Variants in RPS6KA6 observed in about 807,000 individuals in gnomAD.
RPS6KA6 encodes ribosomal protein S6 kinase A6, also known as ribosomal protein S6 kinase alpha-6.
In RPS6KA6, 27 loss-of-function variants were observed where a neutral mutation model predicts 65.4. The observed-to-expected ratio is 0.41, with a 90% CI of 0.30 to 0.57. The LOEUF is 0.57. Among genes scored for constraint, RPS6KA6 ranks in the 20% least tolerant of loss-of-function variants. The pLI, the probability that RPS6KA6 is intolerant of heterozygous loss-of-function variation, is 0.24. For missense variants in RPS6KA6, 486 were observed against 555.6 expected, an observed-to-expected ratio of 0.87 and a Z score of 1.26; for synonymous variants, 190 against 184.2, an observed-to-expected ratio of 1.03 and a Z score of -0.26.
At position 84,148,054 on chromosome X, in the gene RPS6KA6, CTTTT is replaced by C; in HGVS notation, c.324_327del (p.Lys109ProfsTer3). On this transcript the variant is annotated frameshift_variant, in exon 4 of 22. Transcript: ENST00000262752. LOFTEE classifies it high-confidence loss of function. ...TCTAATTTTCTACCTTTTAAAGAGG[CTTTT>C]TTTAACACCTTCATTGCATAGAGCT... The C allele has an allele frequency of 2.6e-6, 3 of 1,155,057 alleles. No homozygotes were observed. The highest frequency in any genetic ancestry group is 3.5e-6 in the Non-Finnish European group (3 of 859,952).
At chrX:84,106,851 C>G in intron 14 of RPS6KA6, 59 bp downstream of exon 14, 3 of 908,127 alleles carry the variant, frequency 3.3e-6, no homozygotes, top group South Asian at 2.9e-5. Context: ...AAAAATACAT[C>G]AGCAATAACA....
intron 20 of RPS6KA6, among the ~76,000 whole-genome samples, chrX:84,083,061 A>G (rs1296613521): frequency 8.9e-6 from 1 of 112,222 alleles, no homozygotes; most frequent in East Asian, 2.8e-4. Context: ...ACAAAAACAC[A>G]AAAAGCAATG....
At chrX:84,105,173 A>AAC (rs201065109) in intron 16 of RPS6KA6, among the ~76,000 whole-genome samples, 6,606 of 108,696 alleles carry the variant, frequency 0.061, 228 homozygotes, top group East Asian at 0.2. Flanking sequence ...ATGTATGATA[A>AAC]ACACACACAC....
intron 13 of RPS6KA6, 37 bp downstream of exon 13, chrX:84,107,586 A>T (rs2034385441): frequency 1.1e-6 from 1 of 877,700 alleles, no homozygotes; most frequent in African/African-American, 2.0e-5. Context: ...TATCTACTTA[A>T]ATAAAATCTC....
At chrX:84,064,734 C>T (rs1421066890) in intron 21 of RPS6KA6, among the ~76,000 whole-genome samples, 4 of 111,677 alleles carry the variant, frequency 3.6e-5, no homozygotes, top group Non-Finnish European at 7.5e-5. Flanking sequence ...TAGCCCAATC[C>T]TAATTCCAGC....
chrX:84,090,003 C>T (rs2034010955), intron 20 of RPS6KA6, among the ~76,000 whole-genome samples: 1 of 112,053 alleles, frequency 8.9e-6, no homozygotes, highest in African/African-American at 3.2e-5. Context: ...AATATAGGAG[C>T]ATAGCAATTT....
intron 12 of RPS6KA6, among the ~76,000 whole-genome samples, chrX:84,112,104 A>C (rs1244406632): frequency 8.9e-6 from 1 of 112,195 alleles, no homozygotes; most frequent in Non-Finnish European, 1.9e-5. Flanking sequence ...TTATATAATG[A>C]TAAGGGCTCA....
At chrX:84,140,844 A>G (rs1345074353) in intron 6 of RPS6KA6, among the ~76,000 whole-genome samples, 3 of 108,988 alleles carry the variant, frequency 2.8e-5, no homozygotes, top group African/African-American at 1.0e-4. Context: ...AGATTAAAAG[A>G]AAGAACCCAC....
In RPS6KA6 at chrX:84,058,366, C is replaced by T. The variant is rs890970115; in HGVS notation, c.*5911G>A. 2 of 111,962 alleles carry T rather than the reference C, an allele frequency of 1.8e-5. No individual in the cohort carries two copies. The highest frequency in any genetic ancestry group is 6.5e-5 in the African/African-American group (2 of 30,808). The allele number at this position is 111,962 out of a possible 1,213,427, so 9.2% of individuals were successfully genotyped here. On this transcript the variant is annotated 3_prime_UTR_variant, in exon 22 of 22. Transcript: ENST00000262752. ...CGGTAAAAATGTTAGAAAGTTGCAGCCTTTTTATTTGGTACCCAGAGAATG... is the reference window on the plus strand; with the variant it reads ...CGGTAAAAATGTTAGAAAGTTGCAGTCTTTTTATTTGGTACCCAGAGAATG...
Position 84,187,960 on chromosome X carries a change from T to A in RPS6KA6, c.-61A>T. The A allele has an allele frequency of 1.0e-6, 1 of 960,821 alleles. No individual in the cohort carries two copies. Among genetic ancestry groups the A allele is most frequent in the Non-Finnish European group, 1.4e-6 (1 of 707,771 alleles). 79.2% of individuals were successfully genotyped at this position (960,821 alleles called of 1,213,427 possible). A position where few individuals can be genotyped will look rare whatever the true frequency, so the allele number is the denominator to read the frequency against. ...CTACCGCTGGCGCGGCCGCGCATCC[T>A]GTCTATTGAACTGGCCCGCCGCCGC... On this transcript the variant is annotated 5_prime_UTR_variant, in exon 1 of 22. Coordinates refer to ENST00000262752, the MANE Select transcript of RPS6KA6 (RefSeq NM_014496.5).
chrX:84,083,369 C>T (rs2033845420), intron 20 of RPS6KA6, among the ~76,000 whole-genome samples: 1 of 112,589 alleles, frequency 8.9e-6, no homozygotes, highest in Admixed American at 9.4e-5. Flanking sequence ...GCTATTTATC[C>T]TGAGGCTCTG....
At chrX:84,187,679 G>C in intron 1 of RPS6KA6, 140 bp downstream of exon 1, 5 of 513,800 alleles carry the variant, frequency 9.7e-6, no homozygotes, top group Admixed American at 4.1e-5. Flanking sequence ...CCAGCGAAAG[G>C]GCAGTGGAGG....
chrX:84,159,445 T>A (rs2035475639), intron 2 of RPS6KA6, among the ~76,000 whole-genome samples: 1 of 110,947 alleles, frequency 9.0e-6, no homozygotes, highest in Admixed American at 9.6e-5. Flanking sequence ...GAGTAAATCA[T>A]CCTTAAAAAA....
intron 8 of RPS6KA6, among the ~76,000 whole-genome samples, chrX:84,122,361 G>GTTTTT (rs35459607): frequency 1.6e-4 from 7 of 43,010 alleles, no homozygotes; most frequent in African/African-American, 2.6e-4. Context: ...TTTTTTTTAA[G>GTTTTT]TTTTTTTTTT....
chrX:84,071,612 GAAAT>G (rs749411921), intron 20 of RPS6KA6, among the ~76,000 whole-genome samples: 6 of 110,127 alleles, frequency 5.4e-5, no homozygotes, highest in African/African-American at 2.0e-4. Flanking sequence ...CATCAGAGAA[GAAAT>G]AAACAAAATA....
chrX:84,089,886 A>C (rs6622913), intron 20 of RPS6KA6, among the ~76,000 whole-genome samples: 6,939 of 112,039 alleles, frequency 0.062, 231 homozygotes, highest in East Asian at 0.21. Context: ...GCACCTACTT[A>C]TAGTTGGCCA....
chrX:84,138,267 T>A (rs1282882046), intron 6 of RPS6KA6, among the ~76,000 whole-genome samples: 1 of 111,591 alleles, frequency 9.0e-6, no homozygotes, highest in Non-Finnish European at 1.9e-5. Context: ...GATACTATAA[T>A]GTTTTGCTTA....
intron 1 of RPS6KA6, among the ~76,000 whole-genome samples, chrX:84,165,580 G>A (rs2035585079): frequency 9.0e-6 from 1 of 110,841 alleles, no homozygotes; most frequent in Admixed American, 9.7e-5. Context: ...CCATTTTCTA[G>A]ACAAAGGACC....
intron 17 of RPS6KA6, among the ~76,000 whole-genome samples, chrX:84,102,846 T>C (rs2034285491): frequency 9.0e-6 from 1 of 110,726 alleles, no homozygotes; most frequent in Non-Finnish European, 1.9e-5. Context: ...CCTTCTGGCT[T>C]AGAGGACCAG....
Sources: gnomAD v4.1 joint callset for allele counts (sites outside exome capture counted in the v4.1 genomes callset) on GRCh38, gnomAD v4.1.1 for gene constraint, MANE v1.5 for transcripts, NCBI Gene and HGNC (gene_info 2026-07-23, HGNC 2026-07-21) for gene names.